The following MYH8 variants were observed in gnomAD, a reference collection of about 807,000 sequenced individuals.
The protein encoded by MYH8 is myosin-8.
Under a neutral mutation model 233.2 loss-of-function variants are expected in MYH8, and 168 were observed. That is an observed-to-expected ratio of 0.72 (90% CI 0.64 to 0.82). The LOEUF is 0.82. MYH8 is among the 40% of genes least tolerant of loss of function. The pLI, the probability that MYH8 is intolerant of heterozygous loss-of-function variation, is 0.00. For synonymous variants in MYH8, 785 were observed against 850.6 expected (o/e 0.92, Z 1.34); for missense variants, 1,995 against 2,327.8 (o/e 0.86, Z 2.94).
At position 10,396,675 on chromosome 17, in the gene MYH8, T is replaced by C. The variant is rs144853263; in HGVS notation, c.4406A>G (p.Glu1469Gly). 1.1e-5 allele frequency: 17 copies of C among 1,614,118 alleles called. No individual in the cohort carries two copies. The African/African-American group carries it at 2.3e-4, about 22-fold the overall frequency. The change falls in exon 32 of 40, where the codon GAA becomes GGA. Residue 1469 changes from glutamate to glycine, a missense_variant. Around this residue, in one of 3 missense-constraint regions of MYH8, gnomAD observed 1,498 missense variants for 1,680.9 expected, o/e 0.89. Transcript: ENST00000403437. This position sits in a 1 kb window ranked among gnomAD's most constrained non-coding sequence, Gnocchi z 4.2. ...TGACTCCTTCTGGGAGGCCTCAAGT[T>C]CAGCCTGAGTTTCCTCATACTTCTG... ...WKQKYEETQA[E>G]LEASQKESRS...
Position 10,410,853 on chromosome 17 carries a change from T to C in MYH8, c.1511A>G (p.Tyr504Cys). ...HHMFVLEQEE[Y>C]KKEGIEWTFI... ...CGTCCACTCGATGCCTTCCTTCTTG[T>C]ACTCCTCCTGCTCTAGCACAAACAT... Residue 504 changes from tyrosine (Y) to cysteine (C), a missense_variant, in exon 15 of 40, where the codon TAC (tyrosine) becomes TGC (cysteine). Physicochemically the swap from Tyr to Cys is radical, Grantham distance 194. Coordinates refer to ENST00000403437, the MANE Select transcript of MYH8 (RefSeq NM_002472.3). 2.5e-6 allele frequency: 4 copies of C among 1,614,026 alleles called. No individual in the cohort carries two copies. Among genetic ancestry groups the C allele is most frequent in the Non-Finnish European group, 3.4e-6 (4 of 1,179,968 alleles).
chr17:10,391,887 C>G lies in MYH8; in HGVS notation c.5659G>C (p.Glu1887Gln). The stretch of plus-strand genomic sequence containing the variant: ...AAGGGCTTAAAGATACTTACAGCCT[C>G]CTCAGCTTGTCTCTTGTATGATTTC... Reference protein sequence around the residue: ...KVKSYKRQAEEAEEQSNANLS... With the variant: ...KVKSYKRQAEQAEEQSNANLS... The change falls in exon 39 of 40, where the codon GAG becomes CAG. Residue 1887 changes from glutamate (E) to glutamine (Q), a missense_variant. This residue lies in a region of MYH8 where 1,498 missense variants were observed against 1,680.9 expected (regional missense o/e 0.89). Coordinates refer to ENST00000403437, the MANE Select transcript of MYH8 (RefSeq NM_002472.3). 1 of 1,613,416 alleles carries G rather than the reference C, an allele frequency of 6.2e-7. No homozygotes were observed. The highest frequency in any genetic ancestry group is 8.5e-7 in the Non-Finnish European group (1 of 1,179,362).
intron 2 of MYH8, 93 bp from the exon 3 acceptor site, chr17:10,420,350 C>G: frequency 1.7e-6 from 2 of 1,171,408 alleles, no homozygotes; most frequent in Non-Finnish European, 2.5e-6. Flanking sequence ...TGAACATAGC[C>G]TGTGCTGTAA....
rs182051761 is a variant in MYH8 at position 10,418,172 on chromosome 17, T to A, written c.511+473A>T. Among the ~76,000 whole-genome samples the A allele has an allele frequency of 2.1e-3, 318 of 152,332 alleles. 1 individual carries two copies. Among genetic ancestry groups the A allele is most frequent in the Admixed American group, 5.2e-3 (80 of 15,302 alleles). On this transcript the variant is annotated intron_variant, in intron 5 of 39. Transcript: ENST00000403437. The stretch of plus-strand genomic sequence containing the variant: ...AATCATAGCTTTCTTTACTCATGTT[T>A]TACCCTTAAAGGCTGGCAATATTAG...
rs1567681771 is a variant in MYH8, at chr17:10,395,326, T to A, written c.4769A>T (p.Lys1590Met). Residue 1590 changes from lysine (K) to methionine (M), a missense_variant, in exon 34 of 40, where the codon AAG (lysine) becomes ATG (methionine). Physicochemically the swap from Lys to Met is moderately conservative, Grantham distance 95 (BLOSUM62 -1). Transcript: ENST00000403437. The part of the protein sequence containing the change: ...AEKDEEIDQL[K>M]RNHTRVVETM... ...CTCCACGACTCTAGTGTGGTTTCTC[T>A]TCAGCTGGTCAATTTCCTCATCCTT... 6.2e-7 allele frequency: 1 copy of A among 1,614,230 alleles called. No homozygotes were observed. The highest frequency in any genetic ancestry group is 2.2e-5 in the East Asian group (1 of 44,880).
In MYH8 at chr17:10,417,239, T is replaced by C. The variant is rs567074572; in HGVS notation, c.511+1406A>G. 2.0e-4 allele frequency among the ~76,000 whole-genome samples: 30 copies of C among 152,364 alleles called. 1 individual carries two copies. Among genetic ancestry groups the C allele is most frequent in the Middle Eastern group, 6.8e-3 (2 of 294 alleles). The stretch of plus-strand genomic sequence containing the variant: ...CTGATTTGTTAAATCTCTAATTCTA[T>C]AGTGTTAGATTATAGATTTTAGAGA... On this transcript the variant is annotated intron_variant, in intron 5 of 39. Coordinates refer to ENST00000403437, the MANE Select transcript of MYH8 (RefSeq NM_002472.3). This position sits in a 1 kb window ranked among gnomAD's most constrained non-coding sequence, Gnocchi z 4.1.
chr17:10,399,648 G>A lies in MYH8; in HGVS notation c.3757C>T (p.Arg1253Cys), dbSNP rs34953692. ...KAKGNLEKMCRSLEDQVSELK... is the reference protein window; with the variant it reads ...KAKGNLEKMCCSLEDQVSELK... ...TCACTCACTTGATCTTCTAGAGAGC[G>A]GCACATCTTTTCAAGGTTTCCCTAC... Residue 1253 changes from arginine to cysteine, a missense_variant, in exon 28 of 40, where the codon CGC becomes TGC. Physicochemically the swap from Arg to Cys is radical, Grantham distance 180. This residue lies in a region of MYH8 where 1,498 missense variants were observed against 1,680.9 expected (regional missense o/e 0.89). Coordinates refer to ENST00000403437, the MANE Select transcript of MYH8 (RefSeq NM_002472.3). 1.4e-3 allele frequency: 2,339 copies of A among 1,613,962 alleles called. 13 individuals carry two copies. Among genetic ancestry groups the A allele is most frequent in the African/African-American group, 0.013 (1,008 of 74,970 alleles).
At chr17:10,412,791 C>T in intron 12 of MYH8, 63 bp from the exon 13 acceptor site, 1 of 1,327,692 alleles carries the variant, frequency 7.5e-7, no homozygotes, top group Admixed American at 1.7e-5. Context: ...CCTAATCTTT[C>T]CATTTTTCTC....
At chr17:10,403,613 A>G (rs1025259553) in intron 22 of MYH8, among the ~76,000 whole-genome samples, 6 of 152,186 alleles carry the variant, frequency 3.9e-5, no homozygotes, top group Non-Finnish European at 5.9e-5. Flanking sequence ...TGTAACCTTC[A>G]TATAAATGAA....
chr17:10,392,962 T>C lies in MYH8; in HGVS notation c.5332A>G (p.Thr1778Ala), dbSNP rs1244845907. 6.2e-7 allele frequency: 1 copy of C among 1,614,210 alleles called. No individual in the cohort carries two copies. The highest frequency in any genetic ancestry group is 2.2e-5 in the East Asian group (1 of 44,888). ...MAEELKKEQD[T>A]SAHLERMKKN... Reference sequence around the variant, plus strand: ...TTCATCCGCTCCAGGTGGGCGCTGGTGTCCTGTTCCTTCTTCAGCTCCTCA... The same window carrying C: ...TTCATCCGCTCCAGGTGGGCGCTGGCGTCCTGTTCCTTCTTCAGCTCCTCA... The change falls in exon 37 of 40, where the codon ACC (threonine) becomes GCC (alanine). Residue 1778 changes from threonine (T) to alanine (A), a missense_variant. Coordinates refer to ENST00000403437, the MANE Select transcript of MYH8 (RefSeq NM_002472.3).
intron 12 of MYH8, 74 bp from the exon 13 acceptor site, chr17:10,412,802 C>A: frequency 2.4e-6 from 3 of 1,275,226 alleles, no homozygotes; most frequent in Non-Finnish European, 3.4e-6. Flanking sequence ...CATTTTTCTC[C>A]AATTCAATCT....
Position 10,391,915 on chromosome 17 carries a change from C to T in MYH8, c.5631G>A (p.Lys1877=). Residue 1877 remains lysine, a synonymous_variant, in exon 39 of 40, where the codon AAG becomes AAA. Coordinates refer to ENST00000403437, the MANE Select transcript of MYH8 (RefSeq NM_002472.3). The part of the protein sequence containing the change: ...LQDLVDKLQA[K]VKSYKRQAEE... ...CAGCTTGTCTCTTGTATGATTTCAC[C>T]TTCGCCTGTAATTTATCTACCAAGT... 2 of 1,614,120 alleles carry T rather than the reference C, an allele frequency of 1.2e-6. No individual in the cohort carries two copies. The highest frequency in any genetic ancestry group is 1.1e-5 in the South Asian group (1 of 91,084).
At position 10,412,155 on chromosome 17, in the gene MYH8, C is replaced by T. The variant is rs9889712; in HGVS notation, c.1416+215G>A. Among the ~76,000 whole-genome samples, 1,327 of 152,232 alleles carry T rather than the reference C, an allele frequency of 8.7e-3. 17 individuals are homozygous for T. Among genetic ancestry groups the T allele is most frequent in the African/African-American group, 0.031 (1,275 of 41,526 alleles). On this transcript the variant is annotated intron_variant, in intron 14 of 39. Transcript: ENST00000403437. Reference sequence around the variant, plus strand: ...TTGTTTTGAAGATTAAATATGGTAACGTTTTGAAGTCCCTAGTGTACACTG... The same window carrying T: ...TTGTTTTGAAGATTAAATATGGTAATGTTTTGAAGTCCCTAGTGTACACTG...
chr17:10,407,736 G>A (rs1317268168), intron 17 of MYH8, among the ~76,000 whole-genome samples: 1 of 151,880 alleles, frequency 6.6e-6, no homozygotes, highest in Non-Finnish European at 1.5e-5. Flanking sequence ...CTACTTGGGA[G>A]GCTGAGGCAG....
chr17:10,400,206 G>A lies in MYH8; in HGVS notation c.3735+184C>T, dbSNP rs1048953450. Among the ~76,000 whole-genome samples the A allele has an allele frequency of 6.6e-6, 1 of 151,454 alleles. No individual in the cohort carries two copies. The highest frequency in any genetic ancestry group is 1.5e-5 in the Non-Finnish European group (1 of 67,884). ...CGACAGAGTGAGACTCCATCCCCCCGCTCCAAAAAAAAATCATCTTAATCG... is the reference window on the plus strand; with the variant it reads ...CGACAGAGTGAGACTCCATCCCCCCACTCCAAAAAAAAATCATCTTAATCG... On this transcript the variant is annotated intron_variant, in intron 27 of 39. Coordinates refer to ENST00000403437, the MANE Select transcript of MYH8 (RefSeq NM_002472.3). The surrounding 1 kb of genome is among the most constrained non-coding windows in gnomAD (Gnocchi z 4.0).
intron 21 of MYH8, among the ~76,000 whole-genome samples, chr17:10,404,864 A>G (rs1299724425): frequency 6.6e-6 from 1 of 152,054 alleles, no homozygotes; most frequent in African/African-American, 2.4e-5. Flanking sequence ...AATCCCTATC[A>G]AACTAGCCAA....
chr17:10,401,834 A>G (rs1260198451), intron 22 of MYH8, 49 bp from the exon 23 acceptor site: 1 of 1,612,356 alleles, frequency 6.2e-7, no homozygotes, highest in Non-Finnish European at 8.5e-7. Flanking sequence ...TTATTTTGAA[A>G]CTTGGTGTTT....
rs886052561 is a variant in MYH8 at position 10,415,515 on chromosome 17, G to A, written c.605C>T (p.Ala202Val). 12 of 1,614,178 alleles carry A rather than the reference G, an allele frequency of 7.4e-6. No homozygotes were observed. The East Asian group carries it at 2.7e-4, about 36-fold the overall frequency. ...ATCCTTCTTCTTCTCTCCAGTAACT[G>A]CAATTGTTGCAAAGTATTGGATGAC... ...KRVIQYFATI[A>V]VTGEKKKDES... Residue 202 changes from alanine to valine, a missense_variant, in exon 7 of 40, where the codon GCA becomes GTA. Around this residue, in one of 3 missense-constraint regions of MYH8, gnomAD observed 479 missense variants for 600.9 expected, o/e 0.80. Transcript: ENST00000403437. The surrounding 1 kb of genome is among the most constrained non-coding windows in gnomAD (Gnocchi z 4.1).
At chr17:10,411,581 G>A (rs1228126800) in intron 14 of MYH8, among the ~76,000 whole-genome samples, 4 of 152,142 alleles carry the variant, frequency 2.6e-5, no homozygotes, top group Non-Finnish European at 4.4e-5. Context: ...AGGGAAAGGA[G>A]TTGATTGGAA....
Sources: gnomAD v4.1 joint callset for allele counts (sites outside exome capture counted in the v4.1 genomes callset) on GRCh38, gnomAD v4.1.1 for gene constraint, gnomAD v4.1.1 regional missense constraint, Gnocchi (gnomAD v3.1) non-coding constraint, MANE v1.5 for transcripts, NCBI Gene and HGNC (gene_info 2026-07-23, HGNC 2026-07-21) for gene names.